KIAA1217: variants seen among roughly 807,000 people sequenced by gnomAD.
The protein encoded by KIAA1217 is KIAA1217, also known as sickle tail protein homolog.
In KIAA1217, 88 loss-of-function variants were observed where a neutral mutation model predicts 163.9. That is an observed-to-expected ratio of 0.54 (90% CI 0.45 to 0.64). The LOEUF (loss-of-function observed/expected upper bound fraction) is 0.64, where lower values mean the gene tolerates loss of function less well. KIAA1217 is among the 30% of genes least tolerant of loss of function. The probability of loss-of-function intolerance (pLI) is 0.00; values close to 1 mark genes in which losing one functional copy is unlikely to be tolerated. For missense variants in KIAA1217, 2,372 were observed against 2,475.0 expected, an observed-to-expected ratio of 0.96 and a Z score of 0.88; for synonymous variants, 903 against 923.1, an observed-to-expected ratio of 0.98 and a Z score of 0.39.
chr10:23,964,847 G>T (rs1330360862), intron 1 of KIAA1217, among the ~76,000 whole-genome samples: 5 of 152,126 alleles, frequency 3.3e-5, no homozygotes, highest in Non-Finnish European at 5.9e-5. Context: ...GAGCCACCAT[G>T]CCTGGCCAAC....
chr10:23,918,710 GT>G (rs1484137236), intron 1 of KIAA1217, among the ~76,000 whole-genome samples: 1 of 149,472 alleles, frequency 6.7e-6, no homozygotes, highest in Non-Finnish European at 1.5e-5. Flanking sequence ...TGGCAATAGT[GT>G]GATCTTTAAG....
intron 2 of KIAA1217, among the ~76,000 whole-genome samples, chr10:24,039,245 C>G (rs534658886): frequency 6.2e-4 from 95 of 152,146 alleles, no homozygotes; most frequent in African/African-American, 1.6e-3. Context: ...CCCACCCCAG[C>G]AGTGCAGACA....
At chr10:24,192,294 C>A (rs148087316) in intron 2 of KIAA1217, among the ~76,000 whole-genome samples, 1 of 152,174 alleles carries the variant, frequency 6.6e-6, no homozygotes, top group Admixed American at 6.5e-5. Context: ...TCTTCAGAGA[C>A]AAGGATGCTC....
chr10:23,744,515 G>T (rs542709178), intron 1 of KIAA1217, among the ~76,000 whole-genome samples: 23 of 152,062 alleles, frequency 1.5e-4, no homozygotes, highest in Non-Finnish European at 2.9e-4. Context: ...AGACAGGGTC[G>T]CATCCCGAGT....
chr10:24,352,339 C>T (rs181369835), intron 2 of KIAA1217, among the ~76,000 whole-genome samples: 3 of 152,230 alleles, frequency 2.0e-5, no homozygotes, highest in East Asian at 1.9e-4. Context: ...ATGGAATAAT[C>T]GTGAATATTT....
intron 2 of KIAA1217, among the ~76,000 whole-genome samples, chr10:24,201,699 G>C (rs2067263035): frequency 6.6e-6 from 1 of 152,032 alleles, no homozygotes; most frequent in African/African-American, 2.4e-5. Context: ...CCCCGCCTCT[G>C]CTTCCGCCCC....
chr10:24,115,928 C>A lies in KIAA1217; in HGVS notation c.-170-103698C>A, dbSNP rs547760763. 2.6e-5 allele frequency among the ~76,000 whole-genome samples: 4 copies of A among 152,264 alleles called. No homozygotes were observed. The South Asian group carries it at 8.3e-4, about 32-fold the overall frequency. On this transcript the variant is annotated intron_variant, in intron 2 of 18. Coordinates refer to the KIAA1217 transcript ENST00000376462. ...ATTTTTGCTGATGGTCTCAGTCCGA[C>A]CAGCTTGCTTCAGCCCATGTCATAC...
At chr10:24,269,223 A>G (rs1236283650) in intron 2 of KIAA1217, among the ~76,000 whole-genome samples, 1 of 150,958 alleles carries the variant, frequency 6.6e-6, no homozygotes, top group Admixed American at 6.6e-5. Context: ...AAAAAAAAAA[A>G]AAAAAAAAAA....
intron 2 of KIAA1217, among the ~76,000 whole-genome samples, chr10:24,183,839 C>G (rs976028885): frequency 6.6e-6 from 1 of 152,232 alleles, no homozygotes; most frequent in Admixed American, 6.5e-5. Flanking sequence ...ATTCTATATG[C>G]TATATGACAG....
intron 2 of KIAA1217, among the ~76,000 whole-genome samples, chr10:24,345,716 A>G (rs1014044088): frequency 6.6e-6 from 1 of 152,090 alleles, no homozygotes; most frequent in African/African-American, 2.4e-5. Context: ...CTAGGCTAGG[A>G]GTTGGTGATT....
At chr10:24,160,150 C>T (rs2131883265) in intron 2 of KIAA1217, among the ~76,000 whole-genome samples, 1 of 152,222 alleles carries the variant, frequency 6.6e-6, no homozygotes, top group Middle Eastern at 3.4e-3. Flanking sequence ...AGTGTTAGTT[C>T]TCTAACTTTG....
At chr10:23,841,254 G>A (rs925249305) in intron 1 of KIAA1217, among the ~76,000 whole-genome samples, 1 of 152,048 alleles carries the variant, frequency 6.6e-6, no homozygotes, top group Admixed American at 6.6e-5. Flanking sequence ...AGAAGCCTGC[G>A]ATGTAAAAGC....
intron 1 of KIAA1217, among the ~76,000 whole-genome samples, chr10:23,721,969 C>T (rs551846735): frequency 3.3e-5 from 5 of 151,768 alleles, no homozygotes; most frequent in East Asian, 3.9e-4. Flanking sequence ...CATGGATAAA[C>T]GAAATGTGAT....
rs190426511 is a variant in KIAA1217 at position 23,756,155 on chromosome 10, G to A, written c.-321+60921G>A. Among the ~76,000 whole-genome samples, 594 of 149,896 alleles carry A rather than the reference G, an allele frequency of 4.0e-3. 3 individuals carry two copies. Among genetic ancestry groups the A allele is most frequent in the African/African-American group, 0.013 (547 of 40,714 alleles). On this transcript the variant is annotated intron_variant, in intron 1 of 18. Transcript: ENST00000376462. ...TTTTTTTTTTTTTAGTAGAGCTGAG[G>A]TCTCACTATGTTGCCCAAGCTGTTC...
intron 2 of KIAA1217, among the ~76,000 whole-genome samples, chr10:24,072,081 A>G (rs924685719): frequency 5.3e-5 from 8 of 152,246 alleles, no homozygotes; most frequent in African/African-American, 1.9e-4. Flanking sequence ...GCTGGAGTAC[A>G]GTGGTGTGAC....
intron 1 of KIAA1217, among the ~76,000 whole-genome samples, chr10:23,793,843 C>T (rs1836076929): frequency 1.3e-5 from 2 of 152,142 alleles, no homozygotes; most frequent in Admixed American, 1.3e-4. Flanking sequence ...GGGCTTCTGT[C>T]AGTAAGAGCT....
intron 2 of KIAA1217, among the ~76,000 whole-genome samples, chr10:24,261,181 C>T (rs1461686835): frequency 1.3e-5 from 2 of 151,626 alleles, no homozygotes; most frequent in Non-Finnish European, 2.9e-5. Context: ...GAATTTGGCC[C>T]CTACCTTCCA....
intron 2 of KIAA1217, among the ~76,000 whole-genome samples, chr10:24,194,605 G>C (rs372538320): frequency 1.3e-5 from 2 of 151,056 alleles, no homozygotes; most frequent in South Asian, 2.1e-4. Context: ...AGACAGTCTC[G>C]CTCTGTCAAC....
At chr10:24,329,353 T>A (rs971956003) in intron 2 of KIAA1217, among the ~76,000 whole-genome samples, 1 of 151,354 alleles carries the variant, frequency 6.6e-6, no homozygotes, top group Non-Finnish European at 1.5e-5. Context: ...ATATACAATA[T>A]ACTTGCTGCT....
Sources: allele counts gnomAD v4.1 joint callset (sites outside exome capture counted in the v4.1 genomes callset), GRCh38; gene constraint gnomAD v4.1.1; transcripts MANE v1.5; gene names NCBI Gene and HGNC (gene_info 2026-07-23, HGNC 2026-07-21).